SYTL2: variants seen among roughly 807,000 people sequenced by gnomAD.
The protein encoded by SYTL2 is synaptotagmin-like protein 2.
SYTL2 carries 165 observed loss-of-function variants against 198.7 expected under a neutral mutation model. The observed-to-expected ratio is 0.83, with a 90% CI of 0.73 to 0.94. SYTL2 has a LOEUF of 0.94. SYTL2 is among the 40% of genes least tolerant of loss of function. SYTL2 has a pLI of 0.00. For synonymous variants in SYTL2, 966 were observed against 917.7 expected (o/e 1.05, Z -0.95); for missense variants, 2,835 against 2,582.8 (o/e 1.10, Z -2.12).
At chr11:85,740,150 T>G (rs1160988175) in intron 4 of SYTL2, among the ~76,000 whole-genome samples, 1 of 152,186 alleles carries the variant, frequency 6.6e-6, no homozygotes, top group Non-Finnish European at 1.5e-5. Context: ...CTGAACTCCT[T>G]GGCAAGGTAC....
intron 1 of SYTL2, among the ~76,000 whole-genome samples, chr11:85,806,931 C>T (rs2092966540): frequency 1.3e-5 from 2 of 152,242 alleles, no homozygotes; most frequent in South Asian, 4.1e-4. Flanking sequence ...TGAAACCAAG[C>T]CACCTGCCTC....
At chr11:85,773,653 G>A (rs984032117) in intron 1 of SYTL2, among the ~76,000 whole-genome samples, 1 of 152,074 alleles carries the variant, frequency 6.6e-6, no homozygotes, top group African/African-American at 2.4e-5. Context: ...ACCTGTGCCC[G>A]CCACTCCATG....
chr11:85,756,877 C>G (rs1425691609), intron 2 of SYTL2, among the ~76,000 whole-genome samples: 2 of 152,102 alleles, frequency 1.3e-5, no homozygotes, highest in African/African-American at 2.4e-5. Context: ...ACTCCTGGAG[C>G]GAGAATCATA....
At chr11:85,723,030 AG>A (rs758816328) in intron 8 of SYTL2, among the ~76,000 whole-genome samples, 3 of 152,238 alleles carry the variant, frequency 2.0e-5, no homozygotes, top group Non-Finnish European at 4.4e-5. Flanking sequence ...AATCAGCATC[AG>A]TTGTGCAACT....
At position 85,736,597 on chromosome 11, in the gene SYTL2, T is replaced by C; in HGVS notation, c.490A>G (p.Asn164Asp). 1 of 1,589,460 alleles carries C rather than the reference T, an allele frequency of 6.3e-7. No individual in the cohort carries two copies. Among genetic ancestry groups the C allele is most frequent in the South Asian group, 1.1e-5 (1 of 89,562 alleles). ...SPEKQRKNPF[N>D]SSKLPEGHSS... ...TGACCTTCTGGCAACTTGGAGCTAT[T>C]AAACGGATTCTTCCTCTGCTGGGGA... Residue 164 changes from asparagine to aspartate, a missense_variant, in exon 6 of 20, where the codon AAT becomes GAT. This residue lies in a region of SYTL2 where 2,645 missense variants were observed against 2,381.7 expected (regional missense o/e 1.11). Transcript: ENST00000359152.
intron 1 of SYTL2, among the ~76,000 whole-genome samples, chr11:85,760,690 G>A (rs941708916): frequency 3.9e-5 from 6 of 152,068 alleles, no homozygotes; most frequent in East Asian, 1.9e-4. Context: ...AACTTAGGTC[G>A]TCTAGCAGTG....
intron 2 of SYTL2, among the ~76,000 whole-genome samples, chr11:85,752,811 C>T (rs1371252892): frequency 6.7e-6 from 1 of 149,532 alleles, no homozygotes; most frequent in Non-Finnish European, 1.5e-5. Flanking sequence ...ATGTGAAGAT[C>T]CATGTACAGT....
chr11:85,811,872 A>T (rs184360795), upstream of SYTL2, among the ~76,000 whole-genome samples: 4 of 152,144 alleles, frequency 2.6e-5, no homozygotes, highest in Non-Finnish European at 4.4e-5. Flanking sequence ...AGGCCGAGGC[A>T]GGTGGATAAC....
chr11:85,778,357 C>G (rs759545559), intron 1 of SYTL2, among the ~76,000 whole-genome samples: 1 of 152,094 alleles, frequency 6.6e-6, no homozygotes, highest in East Asian at 1.9e-4. Context: ...ATAGTGTTAC[C>G]CAGGAGTGGT....
At chr11:85,711,509 C>CTA (rs2086280183) in intron 12 of SYTL2, among the ~76,000 whole-genome samples, 1 of 152,178 alleles carries the variant, frequency 6.6e-6, no homozygotes, top group African/African-American at 2.4e-5. Flanking sequence ...GAAGACAGCA[C>CTA]TATTGTGAGC....
At position 85,734,077 on chromosome 11, in the gene SYTL2, T is replaced by C. The variant is rs746020333; in HGVS notation, c.1252A>G (p.Ile418Val). ...TCTGAATGAGAATGCAGCCCATTAATTGGAAAAGAACCAGAAGTCATTGGC... is the reference window on the plus strand; with the variant it reads ...TCTGAATGAGAATGCAGCCCATTAACTGGAAAAGAACCAGAAGTCATTGGC... ...HQPMTSGSFP[I>V]NGLHSHSEVL... The change falls in exon 7 of 20, where the codon ATT (isoleucine) becomes GTT (valine). Residue 418 changes from isoleucine (I) to valine (V), a missense_variant. Around this residue, in one of 3 missense-constraint regions of SYTL2, gnomAD observed 2,645 missense variants for 2,381.7 expected, o/e 1.11. Transcript: ENST00000359152. The C allele has an allele frequency of 7.4e-6, 12 of 1,614,072 alleles. No homozygotes were observed. In the African/African-American group the frequency reaches 8.0e-5, roughly 11 times the overall value.
chr11:85,700,707 T>G (rs962655828), intron 16 of SYTL2, 114 bp from the exon 17 acceptor site: 2 of 762,560 alleles, frequency 2.6e-6, no homozygotes, highest in Non-Finnish European at 4.6e-6. Flanking sequence ...GTGTCACTCA[T>G]GAGTGCTCTG....
rs752274201 is a variant in SYTL2, at chr11:85,711,098, C to A, written c.5745+15G>T. 6.2e-7 allele frequency: 1 copy of A among 1,613,134 alleles called. No individual in the cohort carries two copies. The highest frequency in any genetic ancestry group is 8.5e-7 in the Non-Finnish European group (1 of 1,179,576). On this transcript the variant is annotated intron_variant, in intron 13 of 19. Transcript: ENST00000359152. Reference sequence around the variant, plus strand: ...GACGCGGAGAGATATTAATATGGAGCCTTTGTTTACATACAGAAGACAAGG... The same window carrying A: ...GACGCGGAGAGATATTAATATGGAGACTTTGTTTACATACAGAAGACAAGG...
chr11:85,745,892 G>A (rs2091124820), intron 3 of SYTL2, 120 bp from the exon 4 acceptor site: 2 of 930,202 alleles, frequency 2.2e-6, no homozygotes, highest in East Asian at 2.5e-5. Flanking sequence ...CAGTGCCAAG[G>A]CAATCACTGG....
chr11:85,844,585 T>C, the SYTL2 span, among the ~76,000 whole-genome samples: 4 of 152,204 alleles, frequency 2.6e-5, no homozygotes, highest in African/African-American at 4.8e-5. Context: ...ACCTGAGTCA[T>C]AGAAGACTTC....
At chr11:85,773,097 G>C (rs1381012968) in intron 1 of SYTL2, among the ~76,000 whole-genome samples, 1 of 152,148 alleles carries the variant, frequency 6.6e-6, no homozygotes, top group Non-Finnish European at 1.5e-5. Flanking sequence ...CTAATTCCCT[G>C]TATGGCCATG....
intron 14 of SYTL2, among the ~76,000 whole-genome samples, chr11:85,707,787 C>T (rs1207126087): frequency 2.0e-5 from 3 of 151,556 alleles, no homozygotes; most frequent in African/African-American, 7.3e-5. Flanking sequence ...TTGGCCTTAA[C>T]TAATATGCAG....
the SYTL2 span, among the ~76,000 whole-genome samples, chr11:85,851,047 G>A: frequency 8.5e-6 from 1 of 118,128 alleles, no homozygotes; most frequent in Non-Finnish European, 1.7e-5. Flanking sequence ...GAGGGGGGAG[G>A]GATAGCATCG....
rs775539389 is a variant in SYTL2 at position 85,736,545 on chromosome 11, T to C, written c.542A>G (p.Gln181Arg). 1 of 1,607,024 alleles carries C rather than the reference T, an allele frequency of 6.2e-7. No homozygotes were observed. Among genetic ancestry groups the C allele is most frequent in the Non-Finnish European group, 8.5e-7 (1 of 1,175,018 alleles). ...TAAACCAGTTCTTCCATTTTTTGAC[T>C]GTTCATTTTTAGTTTGTTGTGATGA... The part of the protein sequence containing the change: ...GHSSQQTKNE[Q>R]SKNGRTGLFQ... Residue 181 changes from glutamine (Q) to arginine (R), a missense_variant, in exon 6 of 20, where the codon CAG (glutamine) becomes CGG (arginine). This residue lies in a region of SYTL2 where 2,645 missense variants were observed against 2,381.7 expected (regional missense o/e 1.11). Coordinates refer to ENST00000359152, the MANE Select transcript of SYTL2 (RefSeq NM_206927.4).
Sources: allele counts gnomAD v4.1 joint callset (sites outside exome capture counted in the v4.1 genomes callset), GRCh38; gene constraint gnomAD v4.1.1; regional missense constraint gnomAD v4.1.1; transcripts MANE v1.5; gene names NCBI Gene and HGNC (gene_info 2026-07-23, HGNC 2026-07-21).